CD1B: variants seen among roughly 807,000 people sequenced by gnomAD.
The protein encoded by CD1B is T-cell surface glycoprotein CD1b.
A neutral mutation model predicts 39.8 loss-of-function variants in CD1B; 43 were observed. The ratio of observed to expected loss-of-function variants is 1.08; its 90% CI spans 0.85 to 1.39. The LOEUF (loss-of-function observed/expected upper bound fraction) is 1.39, where lower values mean the gene tolerates loss of function less well. Ranked by LOEUF, CD1B falls within the 40% of genes most tolerant of loss-of-function variation. CD1B has a pLI of 0.00. For missense variants in CD1B, 495 were observed against 403.8 expected (o/e 1.23, Z -1.94); for synonymous variants, 192 against 152.5 (o/e 1.26, Z -1.91).
chr1:158,297,119 A>C, the CD1B span, among the ~76,000 whole-genome samples: 1 of 152,190 alleles, frequency 6.6e-6, no homozygotes, highest in African/African-American at 2.4e-5. Flanking sequence ...GAGATACTAC[A>C]CTAGAAAACC....
At chr1:158,311,682 G>C in the CD1B span, among the ~76,000 whole-genome samples, 1 of 152,208 alleles carries the variant, frequency 6.6e-6, no homozygotes, top group East Asian at 1.9e-4. Context: ...TATATGGTGA[G>C]ATATAGGGCT....
chr1:158,329,638 C>A lies in CD1B; in HGVS notation c.618G>T (p.Glu206Asp). The change falls in exon 4 of 6, where the codon GAG becomes GAT. Residue 206 changes from glutamate (E) to aspartate (D), a missense_variant. Coordinates refer to ENST00000368168, the MANE Select transcript of CD1B (RefSeq NM_001764.3). The part of the protein sequence containing the change: ...KADLQRQVKP[E>D]AWLSSGPSPG... ...GACTGGGGCCACTGGACAGCCAGGC[C>A]TCAGGCTTCACTAAGGCAGGAAGGA... The A allele has an allele frequency of 6.2e-7, 1 of 1,613,816 alleles. No homozygotes were observed. The highest frequency in any genetic ancestry group is 8.5e-7 in the Non-Finnish European group (1 of 1,179,800).
At chr1:158,315,026 T>C in the CD1B span, among the ~76,000 whole-genome samples, 2 of 146,946 alleles carry the variant, frequency 1.4e-5, no homozygotes, top group African/African-American at 2.6e-5. Flanking sequence ...ATGGTGTATA[T>C]ATGCCACATT....
chr1:158,297,211 A>C, the CD1B span, among the ~76,000 whole-genome samples: 1 of 152,210 alleles, frequency 6.6e-6, no homozygotes, highest in Non-Finnish European at 1.5e-5. Context: ...GAGGAGGAGC[A>C]GGTCACCTAC....
downstream of CD1B, among the ~76,000 whole-genome samples, chr1:158,326,483 CTTA>C (rs1398950939): frequency 3.3e-5 from 5 of 152,192 alleles, no homozygotes; most frequent in African/African-American, 1.2e-4. Flanking sequence ...ATGCATGAAT[CTTA>C]TTTTTATTCC....
At chr1:158,293,756 C>T in the CD1B span, 1 of 624,612 alleles carries the variant, frequency 1.6e-6, no homozygotes. Flanking sequence ...CTGTTATGTG[C>T]ATGCAACACT....
the CD1B span, chr1:158,292,907 G>C: frequency 6.2e-7 from 1 of 1,607,816 alleles, no homozygotes; most frequent in South Asian, 1.1e-5. Flanking sequence ...TAGGTAGGTG[G>C]TTCTTGAGCC....
chr1:158,297,989 C>A, the CD1B span, among the ~76,000 whole-genome samples: 9 of 150,556 alleles, frequency 6.0e-5, no homozygotes. Context: ...TGTAAGTTAT[C>A]TTCAAGAGAC....
At chr1:158,317,415 A>G in the CD1B span, among the ~76,000 whole-genome samples, 2,956 of 152,204 alleles carry the variant, frequency 0.019, 97 homozygotes, top group African/African-American at 0.067. Context: ...CGAGGAATTT[A>G]TCCATTTCTT....
Position 158,330,019 on chromosome 1 carries a change from G to A in CD1B, c.440C>T (p.Ala147Val). The A allele has an allele frequency of 6.2e-7, 1 of 1,614,030 alleles. No homozygotes were observed. Among genetic ancestry groups the A allele is most frequent in the South Asian group, 1.1e-5 (1 of 91,074 alleles). ...ACCTTCTGGGGAAGGCACACATGAA[G>A]CATTCTTGACACTCAGGAAATCCAA... ...GGLDFLSVKN[A>V]SCVPSPEGGS... is the part of the protein sequence containing the mutation. Residue 147 changes from alanine to valine, a missense_variant, in exon 3 of 6, where the codon GCT (alanine) becomes GTT (valine). Ala to Val is a moderately conservative substitution (Grantham distance 64). Transcript: ENST00000368168.
At chr1:158,304,860 A>G in the CD1B span, among the ~76,000 whole-genome samples, 2 of 152,200 alleles carry the variant, frequency 1.3e-5, no homozygotes, top group Non-Finnish European at 2.9e-5. Flanking sequence ...ACTCCAACAG[A>G]CCTGCTGCTG....
the CD1B span, among the ~76,000 whole-genome samples, chr1:158,301,030 T>C: frequency 6.6e-6 from 1 of 152,160 alleles, no homozygotes; most frequent in Non-Finnish European, 1.5e-5. Flanking sequence ...ATTGCTGGAA[T>C]TACAGGTGTG....
chr1:158,292,911 T>C, the CD1B span: 1 of 1,606,180 alleles, frequency 6.2e-7, no homozygotes, highest in Non-Finnish European at 8.5e-7. Flanking sequence ...TAGGTGGTTC[T>C]TGAGCCTAGA....
At position 158,330,106 on chromosome 1, in the gene CD1B, G is replaced by C; in HGVS notation, c.353C>G (p.Ala118Gly). ...ACCTCCAGAATGTAGCTCACAGCCT[G>C]CTATGCCCTGGATCTCAAAGGGGTC... is the stretch of plus-strand genomic sequence containing the variant. ...MKYPFEIQGIAGCELHSGGAI... is the reference protein window; with the variant it reads ...MKYPFEIQGIGGCELHSGGAI... Residue 118 changes from alanine (A) to glycine (G), a missense_variant, in exon 3 of 6, where the codon GCA becomes GGA. Ala to Gly is a moderately conservative substitution (Grantham distance 60, BLOSUM62 0). Coordinates refer to ENST00000368168, the MANE Select transcript of CD1B (RefSeq NM_001764.3). The C allele has an allele frequency of 6.2e-7, 1 of 1,613,596 alleles. No homozygotes were observed. The highest frequency in any genetic ancestry group is 1.1e-5 in the South Asian group (1 of 91,018).
At chr1:158,308,336 AC>A in the CD1B span, among the ~76,000 whole-genome samples, 1 of 152,230 alleles carries the variant, frequency 6.6e-6, no homozygotes, top group South Asian at 2.1e-4. Context: ...AAAAGAAGAT[AC>A]AAACAAATGG....
At position 158,328,035 on chromosome 1, in the gene CD1B, T is replaced by A. The variant is rs1652424379; in HGVS notation, c.*201A>T. The A allele has an allele frequency of 1.8e-6, 1 of 542,802 alleles. No individual in the cohort carries two copies. The highest frequency in any genetic ancestry group is 3.3e-5 in the Admixed American group (1 of 30,466). 33.6% of individuals were successfully genotyped at this position (542,802 alleles called of 1,614,324 possible). A position where few individuals can be genotyped will look rare whatever the true frequency, so the allele number is the denominator to read the frequency against. ...TGTGTAAAATCAGGGTGAATCACAC[T>A]GTTAGTACAGTCTCATAATAAATTT... On this transcript the variant is annotated 3_prime_UTR_variant, in exon 6 of 6. Coordinates refer to ENST00000368168, the MANE Select transcript of CD1B (RefSeq NM_001764.3).
At chr1:158,293,500 T>C in the CD1B span, 4 of 1,614,074 alleles carry the variant, frequency 2.5e-6, no homozygotes, top group South Asian at 2.2e-5. Context: ...GACTCCCCCA[T>C]TGTGTTAAGA....
chr1:158,330,461 G>C (rs2101716471), intron 2 of CD1B: 1 of 553,446 alleles, frequency 1.8e-6, no homozygotes, highest in East Asian at 3.3e-5. Flanking sequence ...TGATTGAAAA[G>C]ATGGATTAGG....
At chr1:158,286,214 T>C in the CD1B span, among the ~76,000 whole-genome samples, 8 of 152,104 alleles carry the variant, frequency 5.3e-5, no homozygotes, top group Non-Finnish European at 8.8e-5. Context: ...TCAGGCTGGG[T>C]TCTAATCATA....
Sources: allele counts gnomAD v4.1 joint callset (sites outside exome capture counted in the v4.1 genomes callset), GRCh38; gene constraint gnomAD v4.1.1; transcripts MANE v1.5; gene names NCBI Gene and HGNC (gene_info 2026-07-23, HGNC 2026-07-21).